Variants in CREM observed in about 807,000 individuals in gnomAD.
The protein encoded by CREM is cAMP responsive element modulator, also known as cAMP-responsive element modulator.
CREM carries 13 observed loss-of-function variants against 37.3 expected under a neutral mutation model. The ratio of observed to expected loss-of-function variants is 0.35; its 90% CI spans 0.23 to 0.55. CREM has a LOEUF of 0.55. Among genes scored for constraint, CREM ranks in the 20% least tolerant of loss-of-function variants. The probability of loss-of-function intolerance (pLI) is 0.88; values close to 1 mark genes in which losing one functional copy is unlikely to be tolerated. For missense variants in CREM, 296 were observed against 362.3 expected (o/e 0.82, Z 1.49); for synonymous variants, 124 against 120.2 (o/e 1.03, Z -0.21).
intron 5 of CREM, among the ~76,000 whole-genome samples, chr10:35,187,449 G>A (rs918648815): frequency 6.8e-6 from 1 of 148,146 alleles, no homozygotes; most frequent in South Asian, 2.1e-4. Flanking sequence ...TAGTAGAGGC[G>A]GGGTTTCACC....
intron 7 of CREM, among the ~76,000 whole-genome samples, chr10:35,207,595 G>A (rs1565009237): frequency 6.6e-6 from 1 of 151,960 alleles, no homozygotes; most frequent in African/African-American, 2.4e-5. Context: ...CCAATATGAC[G>A]AAACCCTGTC....
chr10:35,133,960 A>T (rs879725587), intron 1 of CREM, among the ~76,000 whole-genome samples: 4 of 152,206 alleles, frequency 2.6e-5, no homozygotes, highest in African/African-American at 9.7e-5. Context: ...TATTCTAGTA[A>T]ACTTGCCCAA....
chr10:35,158,460 T>TA, intron 3 of CREM: 1 of 258,916 alleles, frequency 3.9e-6, no homozygotes, highest in Non-Finnish European at 7.8e-6. Flanking sequence ...CTGCAGAGGG[T>TA]AAAAAGAGTT....
chr10:35,186,655 A>G (rs1190099127), intron 5 of CREM, among the ~76,000 whole-genome samples: 1 of 143,004 alleles, frequency 7.0e-6, no homozygotes, highest in Non-Finnish European at 1.5e-5. Flanking sequence ...GTTATATATA[A>G]CATATGACAT....
intron 6 of CREM, among the ~76,000 whole-genome samples, chr10:35,190,381 G>C (rs1467601572): frequency 6.6e-6 from 1 of 152,132 alleles, no homozygotes; most frequent in African/African-American, 2.4e-5. Context: ...CCACTCCCAA[G>C]GGTTTGTTGT....
At chr10:35,145,474 A>G (rs748145561) in intron 2 of CREM, among the ~76,000 whole-genome samples, 3 of 152,198 alleles carry the variant, frequency 2.0e-5, no homozygotes, top group South Asian at 2.1e-4. Flanking sequence ...TGGATCACAT[A>G]TATCACATGA....
intron 3 of CREM, among the ~76,000 whole-genome samples, 172 bp from the exon 4 acceptor site, chr10:35,178,717 G>A (rs1564891852): frequency 6.6e-6 from 1 of 152,152 alleles, no homozygotes; most frequent in African/African-American, 2.4e-5. Context: ...TTGCGTCTGC[G>A]CTTCCTTTCT....
At chr10:35,177,306 G>A (rs920332451) in intron 3 of CREM, among the ~76,000 whole-genome samples, 1 of 152,016 alleles carries the variant, frequency 6.6e-6, no homozygotes, top group African/African-American at 2.4e-5. Context: ...TTCCTGTGAT[G>A]GCCCCTGATT....
intron 7 of CREM, among the ~76,000 whole-genome samples, chr10:35,208,528 A>G (rs12245208): frequency 0.026 from 3,999 of 152,296 alleles, 173 homozygotes; most frequent in African/African-American, 0.092. Flanking sequence ...CTTAGTCCTA[A>G]TGTCAAATAA....
intron 3 of CREM, among the ~76,000 whole-genome samples, chr10:35,156,754 G>A (rs1589592937): frequency 6.6e-6 from 1 of 152,154 alleles, no homozygotes; most frequent in Non-Finnish European, 1.5e-5. Flanking sequence ...TTTCTTAAAA[G>A]GTATAGGGGA....
chr10:35,208,600 G>A (rs1239506360), intron 7 of CREM, among the ~76,000 whole-genome samples: 2 of 152,082 alleles, frequency 1.3e-5, no homozygotes, highest in Non-Finnish European at 2.9e-5. Context: ...CCAGACTCCC[G>A]CTCCCGGCTG....
chr10:35,132,012 CA>C (rs752291141), intron 1 of CREM, among the ~76,000 whole-genome samples: 12 of 151,968 alleles, frequency 7.9e-5, no homozygotes, highest in South Asian at 2.1e-4. Flanking sequence ...CCAGCCTGAC[CA>C]AACATGGTGA....
At chr10:35,192,127 C>A (rs2094944510) in intron 6 of CREM, among the ~76,000 whole-genome samples, 1 of 152,196 alleles carries the variant, frequency 6.6e-6, no homozygotes, top group African/African-American at 2.4e-5. Context: ...CAGTCTCCGG[C>A]AGCCACCGGA....
chr10:35,183,603 T>C (rs1398170898), intron 5 of CREM, among the ~76,000 whole-genome samples: 1 of 152,226 alleles, frequency 6.6e-6, no homozygotes, highest in East Asian at 1.9e-4. Flanking sequence ...TCACTCTGAA[T>C]TTAAACCTGA....
chr10:35,208,179 T>C (rs186612366), intron 7 of CREM, among the ~76,000 whole-genome samples: 3 of 152,294 alleles, frequency 2.0e-5, no homozygotes, highest in African/African-American at 7.2e-5. Flanking sequence ...ATATTTAATC[T>C]GATAAATTCT....
intron 2 of CREM, among the ~76,000 whole-genome samples, chr10:35,145,076 G>A (rs1042597968): frequency 3.6e-4 from 54 of 148,334 alleles, no homozygotes; most frequent in African/African-American, 1.2e-3. Flanking sequence ...CGGGAGAATC[G>A]CTTGAACCCA....
chr10:35,203,136 C>T (rs1291315008), intron 6 of CREM, among the ~76,000 whole-genome samples: 1 of 151,784 alleles, frequency 6.6e-6, no homozygotes, highest in Non-Finnish European at 1.5e-5. Context: ...CTCACTGTAG[C>T]CTCAACCTCC....
chr10:35,194,599 C>T (rs1039697687), intron 6 of CREM, among the ~76,000 whole-genome samples: 6 of 152,068 alleles, frequency 3.9e-5, no homozygotes, highest in Non-Finnish European at 8.8e-5. Context: ...TTCTGTATCA[C>T]CTTAGGAAGA....
intron 3 of CREM, among the ~76,000 whole-genome samples, chr10:35,165,941 C>G (rs1374429063): frequency 6.6e-6 from 1 of 152,066 alleles, no homozygotes; most frequent in Non-Finnish European, 1.5e-5. Flanking sequence ...TTAAGAATGA[C>G]TGAATTATAA....
Sources: gnomAD v4.1 joint callset for allele counts (sites outside exome capture counted in the v4.1 genomes callset) on GRCh38, gnomAD v4.1.1 for gene constraint, MANE v1.5 for transcripts, NCBI Gene and HGNC (gene_info 2026-07-23, HGNC 2026-07-21) for gene names.